AP3S2: variants seen among roughly 807,000 people sequenced by gnomAD.
The protein encoded by AP3S2 is AP-3 complex subunit sigma-2.
In AP3S2, 22 loss-of-function variants were observed where a neutral mutation model predicts 23.4. The observed-to-expected ratio is 0.94, with a 90% CI of 0.67 to 1.34. AP3S2 has a LOEUF of 1.34. Ranked by LOEUF, AP3S2 falls within the 40% of genes most tolerant of loss-of-function variation. AP3S2 has a pLI of 0.00. For synonymous variants in AP3S2, 86 were observed against 87.1 expected (o/e 0.99, Z 0.07); for missense variants, 241 against 236.9 (o/e 1.02, Z -0.11).
intron 4 of AP3S2, among the ~76,000 whole-genome samples, chr15:89,849,773 C>T (rs1470679780): frequency 6.6e-6 from 1 of 152,026 alleles, no homozygotes; most frequent in Non-Finnish European, 1.5e-5. Context: ...TGGTTTGTTG[C>T]ACCCATCAAC....
intron 4 of AP3S2, among the ~76,000 whole-genome samples, chr15:89,844,215 C>T (rs1331039511): frequency 6.8e-5 from 1 of 14,692 alleles, no homozygotes; most frequent in African/African-American, 2.4e-4. Context: ...CTTTCTCTTT[C>T]TTTCTTTCTT....
chr15:89,881,452 A>G (rs1320160248), intron 3 of AP3S2, among the ~76,000 whole-genome samples: 1 of 152,246 alleles, frequency 6.6e-6, no homozygotes, highest in Non-Finnish European at 1.5e-5. Flanking sequence ...AAGGCAAACC[A>G]TTATTTTATC....
intron 3 of AP3S2, among the ~76,000 whole-genome samples, chr15:89,887,917 C>T (rs1301435770): frequency 2.0e-5 from 3 of 152,154 alleles, no homozygotes; most frequent in Admixed American, 1.3e-4. Flanking sequence ...GTGATCCGCC[C>T]GCCTTGGCCT....
intron 5 of AP3S2, among the ~76,000 whole-genome samples, chr15:89,836,677 C>A (rs1431147111): frequency 6.6e-6 from 1 of 152,166 alleles, no homozygotes; most frequent in Admixed American, 6.5e-5. Flanking sequence ...TGCCTTCTTT[C>A]CGGATACCAA....
At position 89,841,467 on chromosome 15, in the gene AP3S2, C is replaced by G. The variant is rs375649956; in HGVS notation, c.346-3745G>C. 7.0e-4 allele frequency among the ~76,000 whole-genome samples: 106 copies of G among 152,298 alleles called. 3 individuals are homozygous for G. In the South Asian group the frequency reaches 0.022, roughly 31 times the overall value. ...TCAGAAAGATCTGCAAAAATATGTA[C>G]TTCCTGTGGGTAAAGGACACACTCC... On this transcript the variant is annotated intron_variant, in intron 4 of 5. Coordinates refer to ENST00000336418, the MANE Select transcript of AP3S2 (RefSeq NM_005829.5).
At chr15:89,872,144 A>T (rs979020482) in intron 3 of AP3S2, among the ~76,000 whole-genome samples, 2 of 151,750 alleles carry the variant, frequency 1.3e-5, no homozygotes, top group African/African-American at 2.4e-5. Flanking sequence ...AAAGAAAAAA[A>T]ATTACATAAA....
At chr15:89,881,043 C>T (rs958862606) in intron 3 of AP3S2, among the ~76,000 whole-genome samples, 7 of 152,162 alleles carry the variant, frequency 4.6e-5, no homozygotes, top group Non-Finnish European at 8.8e-5. Context: ...GATTAAAATT[C>T]GAGCTGAGAC....
rs564480339 is a variant in AP3S2 at position 89,880,503 on chromosome 15, G to A, written c.273+8018C>T. Among the ~76,000 whole-genome samples the A allele has an allele frequency of 6.1e-4, 93 of 151,972 alleles. No individual in the cohort carries two copies. The Middle Eastern group carries it at 0.01, about 17-fold the overall frequency. ...GCCTGGTCAACATGGTGAAACCCCC[G>A]ACTCTACTAAAAATACAAAAATTAG... On this transcript the variant is annotated intron_variant, in intron 3 of 5. Coordinates refer to ENST00000336418, the MANE Select transcript of AP3S2 (RefSeq NM_005829.5).
At chr15:89,868,820 G>C (rs1227392321) in intron 4 of AP3S2, among the ~76,000 whole-genome samples, 1 of 111,818 alleles carries the variant, frequency 8.9e-6, no homozygotes, top group Non-Finnish European at 1.8e-5. Context: ...GGAGGGAGGT[G>C]GGGGGGTCAG....
At position 89,837,725 on chromosome 15, in the gene AP3S2, A is replaced by G; in HGVS notation, c.346-3T>C. 1 of 1,613,942 alleles carries G rather than the reference A, an allele frequency of 6.2e-7. No homozygotes were observed. Among genetic ancestry groups the G allele is most frequent in the Non-Finnish European group, 8.5e-7 (1 of 1,179,882 alleles). On this transcript the variant is annotated splice_polypyrimidine_tract_variant and splice_region_variant and intron_variant, in intron 4 of 5. Coordinates refer to ENST00000336418, the MANE Select transcript of AP3S2 (RefSeq NM_005829.5). The stretch of plus-strand genomic sequence containing the variant: ...ACCTCCTGGAGGATGTAGTGCACCT[A>G]AAAGGGAAGCAAAAATCAGGAGTCA...
chr15:89,889,969 T>C (rs1217222783), intron 1 of AP3S2, among the ~76,000 whole-genome samples: 1 of 151,718 alleles, frequency 6.6e-6, no homozygotes, highest in African/African-American at 2.4e-5. Context: ...GTAATATAGA[T>C]ACTACATATA....
intron 3 of AP3S2, among the ~76,000 whole-genome samples, chr15:89,885,356 C>G (rs1414394432): frequency 6.6e-6 from 1 of 152,112 alleles, no homozygotes; most frequent in Non-Finnish European, 1.5e-5. Flanking sequence ...GCATGTGCCA[C>G]CATGCCCAGC....
At chr15:89,861,737 A>G (rs1185648295) in intron 4 of AP3S2, among the ~76,000 whole-genome samples, 1 of 152,134 alleles carries the variant, frequency 6.6e-6, no homozygotes, top group East Asian at 1.9e-4. Flanking sequence ...AAGGTACCAC[A>G]CTAGATTCAG....
intron 1 of AP3S2, among the ~76,000 whole-genome samples, chr15:89,892,592 G>T (rs987611917): frequency 6.6e-6 from 1 of 152,118 alleles, no homozygotes; most frequent in South Asian, 2.1e-4. Context: ...AACTAGGGGG[G>T]AAATTTGCAT....
Position 89,877,271 on chromosome 15 carries a change from C to T in AP3S2, c.274-5725G>A, listed in dbSNP as rs191653751. 947 of 1,276,816 alleles carry T rather than the reference C, an allele frequency of 7.4e-4. 4 individuals carry two copies. The highest frequency in any genetic ancestry group is 6.4e-3 in the East Asian group (138 of 21,478). The allele number at this position is 1,276,816 out of a possible 1,614,324, so 79.1% of individuals were successfully genotyped here. On this transcript the variant is annotated intron_variant, in intron 3 of 5. Transcript: ENST00000336418. ...ACGGGATTGGGTTTCACATCTTCAA[C>T]GTGAGAAATGGATGCAGTTTGAAAA...
intron 4 of AP3S2, among the ~76,000 whole-genome samples, chr15:89,839,608 C>T (rs1407527781): frequency 6.6e-6 from 1 of 152,060 alleles, no homozygotes; most frequent in Non-Finnish European, 1.5e-5. Context: ...ATGGTGGTTC[C>T]TCAAAAAGAT....
chr15:89,893,842 G>C (rs1215251330), intron 1 of AP3S2, 39 bp downstream of exon 1: 3 of 1,549,608 alleles, frequency 1.9e-6, no homozygotes, highest in Non-Finnish European at 2.6e-6. Flanking sequence ...GACATAGTGG[G>C]CGCCCTGAAG....
chr15:89,871,419 A>G (rs1182784588), intron 4 of AP3S2, 56 bp downstream of exon 4: 14 of 1,557,578 alleles, frequency 9.0e-6, no homozygotes, highest in Admixed American at 3.8e-5. Context: ...ACAGATGCCC[A>G]AGGCTCTTGG....
At chr15:89,884,298 C>A (rs1297955939) in intron 3 of AP3S2, among the ~76,000 whole-genome samples, 2 of 151,848 alleles carry the variant, frequency 1.3e-5, no homozygotes, top group African/African-American at 4.8e-5. Flanking sequence ...GACTTGCATT[C>A]TTGGGATAAA....
Sources: gnomAD v4.1 joint callset for allele counts (sites outside exome capture counted in the v4.1 genomes callset) on GRCh38, gnomAD v4.1.1 for gene constraint, MANE v1.5 for transcripts, NCBI Gene and HGNC (gene_info 2026-07-23, HGNC 2026-07-21) for gene names.